The following EDIL3 variants were observed in gnomAD, a reference collection of about 807,000 sequenced individuals.
EDIL3 encodes the protein EGF-like repeat and discoidin I-like domain-containing protein 3.
EDIL3 carries 37 observed loss-of-function variants against 67.4 expected under a neutral mutation model. The observed-to-expected ratio is 0.55, with a 90% CI of 0.42 to 0.72. The LOEUF is 0.72. Ranked by LOEUF, EDIL3 falls within the 30% of genes least tolerant of loss-of-function variation. The probability of loss-of-function intolerance (pLI) is 0.00; values close to 1 mark genes in which losing one functional copy is unlikely to be tolerated. For synonymous variants in EDIL3, 195 were observed against 196.3 expected, an observed-to-expected ratio of 0.99 and a Z score of 0.05; for missense variants, 527 against 586.3, an observed-to-expected ratio of 0.90 and a Z score of 1.04.
At chr5:84,111,063 T>C (rs941169589) in intron 5 of EDIL3, among the ~76,000 whole-genome samples, 2 of 152,086 alleles carry the variant, frequency 1.3e-5, no homozygotes, top group African/African-American at 4.8e-5. Flanking sequence ...TCATGAGATC[T>C]GGTGGTTTAA....
chr5:84,190,579 G>GTGTGTGTGTGTGTGTGTGTGTATATA (rs1456078500), intron 3 of EDIL3, among the ~76,000 whole-genome samples: 1 of 122,056 alleles, frequency 8.2e-6, no homozygotes, highest in African/African-American at 3.2e-5. Context: ...GTGTGTGTGT[G>GTGTGTGTGTGTGTGTGTGTGTATATA]TATATATATA....
intron 6 of EDIL3, among the ~76,000 whole-genome samples, chr5:84,083,647 T>C (rs1379804894): frequency 3.3e-5 from 5 of 152,016 alleles, no homozygotes; most frequent in African/African-American, 1.2e-4. Flanking sequence ...TATACAATGG[T>C]AGTAAAATGC....
intron 3 of EDIL3, among the ~76,000 whole-genome samples, chr5:84,222,047 G>A (rs1218079726): frequency 6.6e-6 from 1 of 151,906 alleles, no homozygotes; most frequent in Non-Finnish European, 1.5e-5. Context: ...CAGCCATGCA[G>A]AATTAAACTC....
At chr5:84,117,816 T>C (rs1317431442) in intron 5 of EDIL3, among the ~76,000 whole-genome samples, 1 of 152,136 alleles carries the variant, frequency 6.6e-6, no homozygotes, top group African/African-American at 2.4e-5. Context: ...TAGGTTAATT[T>C]ATGGGATGAA....
At chr5:84,334,213 C>G (rs926145712) in intron 1 of EDIL3, among the ~76,000 whole-genome samples, 1 of 151,858 alleles carries the variant, frequency 6.6e-6, no homozygotes, top group Non-Finnish European at 1.5e-5. Flanking sequence ...AGGCACCCAC[C>G]ACCACACGCG....
intron 9 of EDIL3, among the ~76,000 whole-genome samples, chr5:83,970,857 A>C (rs1458585242): frequency 6.6e-6 from 1 of 151,378 alleles, no homozygotes; most frequent in African/African-American, 2.4e-5. Flanking sequence ...ATTGCTTTGG[A>C]CAGAACAAAG....
At chr5:83,981,373 G>A (rs1744967585) in intron 9 of EDIL3, among the ~76,000 whole-genome samples, 1 of 151,958 alleles carries the variant, frequency 6.6e-6, no homozygotes, top group Non-Finnish European at 1.5e-5. Context: ...ATGGGATAAT[G>A]TTAACTTTTG....
intron 3 of EDIL3, among the ~76,000 whole-genome samples, chr5:84,205,005 C>CG (rs1743933957): frequency 6.6e-6 from 1 of 151,938 alleles, no homozygotes; most frequent in African/African-American, 2.4e-5. Flanking sequence ...TTTGATCTCC[C>CG]GGGCACAAGC....
intron 1 of EDIL3, among the ~76,000 whole-genome samples, chr5:84,311,367 T>G (rs1332962897): frequency 6.7e-6 from 1 of 149,432 alleles, no homozygotes; most frequent in Admixed American, 6.7e-5. Context: ...TTTTATATAA[T>G]GTTCAAAAGC....
At chr5:84,321,216 T>A (rs1020773628) in intron 1 of EDIL3, among the ~76,000 whole-genome samples, 1 of 152,156 alleles carries the variant, frequency 6.6e-6, no homozygotes, top group Non-Finnish European at 1.5e-5. Context: ...GGTGTATATC[T>A]GTTGGTGTTG....
intron 1 of EDIL3, among the ~76,000 whole-genome samples, chr5:84,326,873 T>G: frequency 6.6e-6 from 1 of 151,986 alleles, no homozygotes; most frequent in East Asian, 1.9e-4. Context: ...TCTTTCATTG[T>G]TTTTAACCTT....
At chr5:84,187,232 C>G (rs895486937) in intron 3 of EDIL3, among the ~76,000 whole-genome samples, 11 of 152,058 alleles carry the variant, frequency 7.2e-5, no homozygotes, top group Non-Finnish European at 1.3e-4. Flanking sequence ...AGTATGTCAA[C>G]AAGATTAATT....
At chr5:84,317,003 A>G (rs1746527833) in intron 1 of EDIL3, among the ~76,000 whole-genome samples, 1 of 152,200 alleles carries the variant, frequency 6.6e-6, no homozygotes, top group African/African-American at 2.4e-5. Flanking sequence ...CCTGCTCCTG[A>G]ATGACTATTG....
At chr5:84,222,037 C>G (rs1181006943) in intron 3 of EDIL3, among the ~76,000 whole-genome samples, 2 of 151,844 alleles carry the variant, frequency 1.3e-5, no homozygotes, top group African/African-American at 2.4e-5. Context: ...TGAGCATAGT[C>G]AGCCATGCAG....
At chr5:84,093,872 C>G (rs571436127) in intron 6 of EDIL3, among the ~76,000 whole-genome samples, 1 of 152,038 alleles carries the variant, frequency 6.6e-6, no homozygotes, top group South Asian at 2.1e-4. Context: ...ATTGGCCAGG[C>G]TGGACTTGAG....
chr5:84,047,843 A>C (rs1746250676), intron 9 of EDIL3: 1 of 152,410 alleles, frequency 6.6e-6, no homozygotes, highest in Admixed American at 6.5e-5. Context: ...TTTGCACTTA[A>C]GTATTTTCTG....
chr5:84,110,940 C>T (rs1034510096), intron 5 of EDIL3, among the ~76,000 whole-genome samples: 1 of 152,128 alleles, frequency 6.6e-6, no homozygotes, highest in African/African-American at 2.4e-5. Context: ...TCTGTGTCCC[C>T]ACCTAAATCT....
At chr5:84,132,372 ATT>A (rs1561440552) in intron 5 of EDIL3, among the ~76,000 whole-genome samples, 1 of 26,794 alleles carries the variant, frequency 3.7e-5, no homozygotes, top group African/African-American at 1.8e-4. Flanking sequence ...TATTATATAT[ATT>A]ATATATAATA....
chr5:84,121,764 CCAAA>C (rs984519293), intron 5 of EDIL3, among the ~76,000 whole-genome samples: 1 of 151,990 alleles, frequency 6.6e-6, no homozygotes, highest in African/African-American at 2.4e-5. Context: ...CAGCGTTCCC[CCAAA>C]CAGAGTTATT....
Sources: allele counts gnomAD v4.1 joint callset (sites outside exome capture counted in the v4.1 genomes callset), GRCh38; gene constraint gnomAD v4.1.1; transcripts MANE v1.5; gene names NCBI Gene and HGNC (gene_info 2026-07-23, HGNC 2026-07-21).